Variants in PPFIBP2 observed in about 807,000 individuals in gnomAD.
The protein encoded by PPFIBP2 is PPFIB scaffold protein 2, also known as liprin-beta-2.
A neutral mutation model predicts 118.3 loss-of-function variants in PPFIBP2; 118 were observed. The observed-to-expected ratio is 1.00, with a 90% confidence interval of 0.86 to 1.16. The LOEUF (loss-of-function observed/expected upper bound fraction) is 1.16. Among genes scored for constraint, PPFIBP2 ranks in the 50% most tolerant of loss-of-function variants. The probability of loss-of-function intolerance (pLI) is 0.00; values close to 1 mark genes in which losing one functional copy is unlikely to be tolerated. For missense variants in PPFIBP2, 1,195 were observed against 1,073.1 expected, an observed-to-expected ratio of 1.11 and a Z score of -1.59; for synonymous variants, 414 against 397.4, an observed-to-expected ratio of 1.04 and a Z score of -0.50.
At chr11:7,660,463 C>A (rs1476480814), downstream of PPFIBP2, among the ~76,000 whole-genome samples, 3 of 149,016 alleles carry the variant, frequency 2.0e-5, no homozygotes, top group Admixed American at 6.8e-5. Context: ...TGATTTGCGT[C>A]TATTAAACCA....
chr11:7,516,990 G>A (rs138859354), intron 1 of PPFIBP2, among the ~76,000 whole-genome samples: 26 of 151,978 alleles, frequency 1.7e-4, no homozygotes, highest in Middle Eastern at 3.4e-3. Context: ...GGGTGGTGTG[G>A]GCTCCTTGGA....
chr11:7,540,382 C>G (rs542378034), intron 1 of PPFIBP2, among the ~76,000 whole-genome samples: 1 of 152,086 alleles, frequency 6.6e-6, no homozygotes, highest in African/African-American at 2.4e-5. Flanking sequence ...TTTACCGGAT[C>G]TGGTGCCCAG....
At chr11:7,611,669 C>T (rs921899198) in intron 6 of PPFIBP2, among the ~76,000 whole-genome samples, 5 of 152,224 alleles carry the variant, frequency 3.3e-5, no homozygotes, top group African/African-American at 4.8e-5. Flanking sequence ...CCTGTTTCTT[C>T]TGTAAGATGG....
intron 2 of PPFIBP2, among the ~76,000 whole-genome samples, chr11:7,552,447 T>A (rs1853100366): frequency 6.6e-6 from 1 of 152,226 alleles, no homozygotes; most frequent in Non-Finnish European, 1.5e-5. Flanking sequence ...TTTCATTGTA[T>A]AAGGCTTGTG....
At chr11:7,590,260 T>C (rs1289676451) in intron 3 of PPFIBP2, among the ~76,000 whole-genome samples, 1 of 152,244 alleles carries the variant, frequency 6.6e-6, no homozygotes, top group Non-Finnish European at 1.5e-5. Context: ...TAGTCCTATA[T>C]AGATCATGAA....
At chr11:7,548,260 GA>G (rs1852545704) in intron 1 of PPFIBP2, 1 of 152,230 alleles carries the variant, frequency 6.6e-6, no homozygotes, top group African/African-American at 2.4e-5. Context: ...CCTTGGTCTT[GA>G]GATCCTTATC....
intron 2 of PPFIBP2, among the ~76,000 whole-genome samples, chr11:7,554,800 A>G (rs796343111): frequency 1.4e-5 from 2 of 144,976 alleles, no homozygotes; most frequent in African/African-American, 2.6e-5. Flanking sequence ...AGACTAGACT[A>G]GACTAGACTA....
Position 7,560,417 on chromosome 11 carries a change from AC to A in PPFIBP2, c.65-5134del, listed in dbSNP as rs1342663754. Reference sequence around the variant, plus strand: ...TGGGTATTTCTCTGTATATATATATACCATATACATATAATTGTTTTACTGA... The same window carrying A: ...TGGGTATTTCTCTGTATATATATATACATATACATATAATTGTTTTACTGA... On this transcript the variant is annotated intron_variant, in intron 2 of 23. Coordinates refer to ENST00000299492, the MANE Select transcript of PPFIBP2 (RefSeq NM_003621.5). Among the ~76,000 whole-genome samples the A allele has an allele frequency of 2.0e-5, 3 of 152,118 alleles. No individual in the cohort carries two copies. In the East Asian group the frequency reaches 5.8e-4, roughly 29 times the overall value.
Position 7,597,559 on chromosome 11 carries a change from G to A in PPFIBP2, c.373-1G>A, listed in dbSNP as rs760915562. ...CACCATTGCTTTATTTCCTGGAACA[G>A]GTGAGTGTCCTCACAGACCAAGTAG... On this transcript the variant is annotated splice_acceptor_variant, in intron 4 of 23. Coordinates refer to ENST00000299492, the MANE Select transcript of PPFIBP2 (RefSeq NM_003621.5). LOFTEE classifies it high-confidence loss of function. 2.3e-5 allele frequency: 37 copies of A among 1,612,788 alleles called. No homozygotes were observed. The highest frequency in any genetic ancestry group is 2.9e-5 in the Non-Finnish European group (34 of 1,179,220).
At chr11:7,594,962 A>G (rs541085348) in intron 4 of PPFIBP2, among the ~76,000 whole-genome samples, 1 of 152,218 alleles carries the variant, frequency 6.6e-6, no homozygotes, top group South Asian at 2.1e-4. Context: ...TGAATTGACA[A>G]TAAGCCAATA....
intron 5 of PPFIBP2, chr11:7,598,335 C>A: frequency 4.3e-6 from 1 of 232,226 alleles, no homozygotes; most frequent in South Asian, 4.7e-5. Flanking sequence ...TTACTATCAC[C>A]TATAATAGAT....
chr11:7,550,577 G>A (rs1275315070), intron 2 of PPFIBP2, among the ~76,000 whole-genome samples: 2 of 152,184 alleles, frequency 1.3e-5, no homozygotes, highest in East Asian at 1.9e-4. Context: ...TCAGTTGATA[G>A]AGGGCCCTTG....
chr11:7,642,187 G>C, intron 16 of PPFIBP2, 111 bp from the exon 17 acceptor site: 2 of 1,304,916 alleles, frequency 1.5e-6, no homozygotes, highest in South Asian at 2.8e-5. Flanking sequence ...GAGAAGCAGT[G>C]CTGCCGAGAG....
downstream of PPFIBP2, among the ~76,000 whole-genome samples, chr11:7,660,510 G>T (rs558221494): frequency 6.7e-6 from 1 of 148,896 alleles, no homozygotes; most frequent in South Asian, 2.2e-4. Context: ...CTTGATCATG[G>T]TGAATAAGCT....
intron 3 of PPFIBP2, among the ~76,000 whole-genome samples, chr11:7,587,707 A>G (rs111765899): frequency 0.012 from 1,793 of 152,288 alleles, 50 homozygotes; most frequent in African/African-American, 0.041. Context: ...GCCACTGACA[A>G]CCTCAGAACT....
chr11:7,524,376 G>A (rs1169556067), intron 1 of PPFIBP2, among the ~76,000 whole-genome samples: 1 of 152,274 alleles, frequency 6.6e-6, no homozygotes, highest in East Asian at 1.9e-4. Flanking sequence ...CTAGCTCAAT[G>A]CTGGACTGCT....
At chr11:7,571,954 GATAAC>G (rs1252832856) in intron 3 of PPFIBP2, 2 of 152,198 alleles carry the variant, frequency 1.3e-5, no homozygotes, top group Non-Finnish European at 2.9e-5. Context: ...TTCAGACAAA[GATAAC>G]ATAAGCACCT....
chr11:7,655,528 G>T (rs781277826), downstream of PPFIBP2: 4 of 1,286,524 alleles, frequency 3.1e-6, no homozygotes, highest in East Asian at 5.6e-5. Context: ...CCCACAGTCA[G>T]ACTGGTGCCA....
At chr11:7,666,196 C>T in the PPFIBP2 span, 2 of 589,484 alleles carry the variant, frequency 3.4e-6, no homozygotes, top group South Asian at 4.1e-5. Flanking sequence ...GGGGCAGTGT[C>T]CCTTTTGATG....
Sources: gnomAD v4.1 joint callset for allele counts (sites outside exome capture counted in the v4.1 genomes callset) on GRCh38, gnomAD v4.1.1 for gene constraint, MANE v1.5 for transcripts, NCBI Gene and HGNC (gene_info 2026-07-23, HGNC 2026-07-21) for gene names.